RASEF: variants seen among roughly 807,000 people sequenced by gnomAD.
The protein encoded by RASEF is ras and EF-hand domain-containing protein.
In RASEF, 68 loss-of-function variants were observed where a neutral mutation model predicts 90.1. The observed-to-expected ratio is 0.75, with a 90% CI of 0.62 to 0.92. The LOEUF is 0.92. Among genes scored for constraint, RASEF ranks in the 40% least tolerant of loss-of-function variants. The pLI is 0.00. For synonymous variants in RASEF, 331 were observed against 345.2 expected, an observed-to-expected ratio of 0.96 and a Z score of 0.46; for missense variants, 949 against 937.2, an observed-to-expected ratio of 1.01 and a Z score of -0.16.
the RASEF span, among the ~76,000 whole-genome samples, chr9:83,187,068 C>T: frequency 2.0e-5 from 3 of 152,086 alleles, no homozygotes; most frequent in East Asian, 5.8e-4. Context: ...AGACCATGCC[C>T]ATAGCTTAGA....
chr9:83,188,313 A>G, the RASEF span, among the ~76,000 whole-genome samples: 1 of 152,230 alleles, frequency 6.6e-6, no homozygotes, highest in Non-Finnish European at 1.5e-5. Flanking sequence ...TCTTTAGACA[A>G]AAGAAAAATT....
At chr9:83,169,350 TACACAC>T in the RASEF span, among the ~76,000 whole-genome samples, 13,744 of 145,898 alleles carry the variant, frequency 0.094, 794 homozygotes, top group African/African-American at 0.17. Flanking sequence ...CTGATTTCCA[TACACAC>T]ACACACACAC....
intron 1 of RASEF, among the ~76,000 whole-genome samples, chr9:83,043,525 T>A (rs949442660): frequency 1.3e-5 from 2 of 152,226 alleles, no homozygotes; most frequent in African/African-American, 4.8e-5. Context: ...TGTGCTTTTT[T>A]TGCATGTGGT....
chr9:83,023,997 G>T (rs1389858397), intron 2 of RASEF, among the ~76,000 whole-genome samples: 1 of 152,162 alleles, frequency 6.6e-6, no homozygotes, highest in Non-Finnish European at 1.5e-5. Context: ...CTAGTCCGGG[G>T]CTCCCTCCAG....
At chr9:83,160,601 G>T in the RASEF span, among the ~76,000 whole-genome samples, 5 of 152,176 alleles carry the variant, frequency 3.3e-5, no homozygotes, top group African/African-American at 9.7e-5. Context: ...CAATGGAAAA[G>T]AAAATCTCAT....
intron 1 of RASEF, among the ~76,000 whole-genome samples, chr9:83,058,519 C>G (rs532989857): frequency 3.9e-4 from 59 of 152,216 alleles, no homozygotes; most frequent in African/African-American, 1.2e-3. Context: ...TCTCCTCTCC[C>G]TTTTCTATCT....
At chr9:83,106,611 C>T in the RASEF span, among the ~76,000 whole-genome samples, 2 of 152,160 alleles carry the variant, frequency 1.3e-5, no homozygotes, top group Non-Finnish European at 2.9e-5. Flanking sequence ...CACTCATGAC[C>T]TGATCTTCTC....
intron 3 of RASEF, among the ~76,000 whole-genome samples, chr9:83,018,279 C>T (rs1478511166): frequency 6.6e-6 from 1 of 152,144 alleles, no homozygotes; most frequent in Non-Finnish European, 1.5e-5. Flanking sequence ...AGCAATGCTA[C>T]AGAATACGAG....
intron 1 of RASEF, chr9:83,048,535 A>C (rs1165464148): frequency 7.1e-6 from 7 of 985,284 alleles, no homozygotes; most frequent in African/African-American, 1.7e-5. Context: ...TGGATACAAA[A>C]AAAAAAGTTT....
At chr9:83,133,042 A>G in the RASEF span, among the ~76,000 whole-genome samples, 1 of 152,222 alleles carries the variant, frequency 6.6e-6, no homozygotes, top group South Asian at 2.1e-4. Flanking sequence ...AATGGGCTTA[A>G]CAAACATTTC....
At chr9:83,151,906 G>A in the RASEF span, among the ~76,000 whole-genome samples, 1 of 152,060 alleles carries the variant, frequency 6.6e-6, no homozygotes, top group Admixed American at 6.5e-5. Flanking sequence ...TTTTTTCCAG[G>A]AAGTCCCAGA....
At chr9:83,177,975 A>G in the RASEF span, among the ~76,000 whole-genome samples, 1 of 151,816 alleles carries the variant, frequency 6.6e-6, no homozygotes, top group Non-Finnish European at 1.5e-5. Flanking sequence ...CTCCATCAAT[A>G]TTTATTCAAG....
At chr9:83,071,767 C>CTT in the RASEF span, among the ~76,000 whole-genome samples, 1 of 152,204 alleles carries the variant, frequency 6.6e-6, no homozygotes, top group African/African-American at 2.4e-5. Context: ...CCAACCCTCA[C>CTT]TTTCCATGTG....
At chr9:83,130,959 T>C in the RASEF span, among the ~76,000 whole-genome samples, 1 of 152,240 alleles carries the variant, frequency 6.6e-6, no homozygotes, top group Non-Finnish European at 1.5e-5. Context: ...ACAAGTGTCC[T>C]GGACTGGCAT....
rs1019536828 is a variant in RASEF at position 83,062,962 on chromosome 9, C to T, written c.-95G>A. 7.7e-7 allele frequency: 1 copy of T among 1,298,342 alleles called. No individual in the cohort carries two copies. The highest frequency in any genetic ancestry group is 9.9e-7 in the Non-Finnish European group (1 of 1,008,656). The allele number at this position is 1,298,342 out of a possible 1,614,324, so 80.4% of individuals were successfully genotyped here. On this transcript the variant is annotated 5_prime_UTR_variant, in exon 1 of 17. Coordinates refer to ENST00000376447, the MANE Select transcript of RASEF (RefSeq NM_152573.4). Reference sequence around the variant, plus strand: ...GGGCCACCTGCTGCCGCCGGGAGGCCCGGCGAGTTTGGCTCGTCCGGCTGG... The same window carrying T: ...GGGCCACCTGCTGCCGCCGGGAGGCTCGGCGAGTTTGGCTCGTCCGGCTGG...
the RASEF span, among the ~76,000 whole-genome samples, chr9:83,141,640 C>G: frequency 6.6e-6 from 1 of 152,164 alleles, no homozygotes; most frequent in Non-Finnish European, 1.5e-5. Context: ...TCCTCCAGCT[C>G]GGTACTCACC....
chr9:83,151,895 T>C, the RASEF span, among the ~76,000 whole-genome samples: 1 of 152,082 alleles, frequency 6.6e-6, no homozygotes, highest in African/African-American at 2.4e-5. Flanking sequence ...ATATAGATTA[T>C]TTTTTTCCAG....
the RASEF span, among the ~76,000 whole-genome samples, chr9:83,078,304 C>T: frequency 1.3e-5 from 2 of 152,176 alleles, no homozygotes; most frequent in Non-Finnish European, 2.9e-5. Flanking sequence ...CATAAGTGAC[C>T]TCAGCCTGCC....
chr9:82,990,023 G>A (rs1037942288), intron 16 of RASEF, among the ~76,000 whole-genome samples: 1 of 152,116 alleles, frequency 6.6e-6, no homozygotes, highest in Non-Finnish European at 1.5e-5. Flanking sequence ...AAATTGCTTT[G>A]TTTCTTTTTC....
Sources: allele counts gnomAD v4.1 joint callset (sites outside exome capture counted in the v4.1 genomes callset), GRCh38; gene constraint gnomAD v4.1.1; transcripts MANE v1.5; gene names NCBI Gene and HGNC (gene_info 2026-07-23, HGNC 2026-07-21).